Variants in UNC13B observed in about 807,000 individuals in gnomAD.
The protein encoded by UNC13B is unc-13 homolog B.
UNC13B carries 144 observed loss-of-function variants against 211.0 expected under a neutral mutation model. The ratio of observed to expected loss-of-function variants is 0.68; its 90% CI spans 0.60 to 0.78. The LOEUF (loss-of-function observed/expected upper bound fraction) is 0.78, where lower values mean the gene tolerates loss of function less well. UNC13B is among the 30% of genes least tolerant of loss of function. The probability of loss-of-function intolerance (pLI) is 0.00; values close to 1 mark genes in which losing one functional copy is unlikely to be tolerated. For synonymous variants in UNC13B, 709 were observed against 725.8 expected (o/e 0.98, Z 0.37); for missense variants, 1,777 against 2,002.0 (o/e 0.89, Z 2.14).
chr9:35,380,750 G>C, intron 18 of UNC13B, 111 bp downstream of exon 18: 1 of 1,403,182 alleles, frequency 7.1e-7, no homozygotes, highest in South Asian at 1.3e-5. Context: ...CCTCTATACA[G>C]AGCCTGTCTC....
intron 1 of UNC13B, among the ~76,000 whole-genome samples, chr9:35,218,050 A>G (rs1229218133): frequency 1.3e-5 from 2 of 151,982 alleles, no homozygotes; most frequent in African/African-American, 4.8e-5. Context: ...GTGGAAAGAG[A>G]AAAAATTATA....
intron 6 of UNC13B, among the ~76,000 whole-genome samples, chr9:35,247,195 A>G (rs1035552254): frequency 6.6e-6 from 1 of 152,128 alleles, no homozygotes; most frequent in African/African-American, 2.4e-5. Flanking sequence ...ATTTTTGCAC[A>G]TTGATTTTGT....
At chr9:35,272,263 G>GTT (rs531192224) in intron 7 of UNC13B, among the ~76,000 whole-genome samples, 38 of 97,212 alleles carry the variant, frequency 3.9e-4, no homozygotes, top group East Asian at 5.9e-4. Context: ...TTTTGTTTTT[G>GTT]TTTTTTTTTT....
chr9:35,346,942 A>G (rs182257685), intron 11 of UNC13B, among the ~76,000 whole-genome samples: 42 of 147,968 alleles, frequency 2.8e-4, no homozygotes, highest in African/African-American at 1.0e-3. Flanking sequence ...TTTTTTTTTT[A>G]AAGACAGGGT....
chr9:35,233,971 A>C (rs1351617011), intron 3 of UNC13B, among the ~76,000 whole-genome samples: 3 of 152,162 alleles, frequency 2.0e-5, no homozygotes, highest in Non-Finnish European at 4.4e-5. Flanking sequence ...TTCTCCCTAG[A>C]GAGTTCTCTG....
chr9:35,164,063 C>G (rs988056978), intron 1 of UNC13B, among the ~76,000 whole-genome samples: 1 of 152,192 alleles, frequency 6.6e-6, no homozygotes, highest in African/African-American at 2.4e-5. Context: ...GTCACCCAGG[C>G]TGGAGTGCAG....
intron 1 of UNC13B, among the ~76,000 whole-genome samples, chr9:35,200,797 A>T (rs987717327): frequency 2.8e-4 from 43 of 152,184 alleles, no homozygotes; most frequent in African/African-American, 8.9e-4. Flanking sequence ...ACAATTTGAC[A>T]TCCTCTTTTC....
At chr9:35,188,705 G>T (rs1318249168) in intron 1 of UNC13B, among the ~76,000 whole-genome samples, 1 of 152,138 alleles carries the variant, frequency 6.6e-6, no homozygotes, top group African/African-American at 2.4e-5. Flanking sequence ...TAGAATTTCA[G>T]ATCGCCATAA....
chr9:35,280,448 A>G (rs1482011431), intron 7 of UNC13B, among the ~76,000 whole-genome samples: 1 of 152,150 alleles, frequency 6.6e-6, no homozygotes, highest in Non-Finnish European at 1.5e-5. Flanking sequence ...CAGACAGGGT[A>G]TAGCTTCTGG....
intron 11 of UNC13B, among the ~76,000 whole-genome samples, chr9:35,327,914 A>C (rs1831112369): frequency 6.6e-6 from 1 of 152,248 alleles, no homozygotes. Context: ...TTAGGTAAAA[A>C]CTAAAGTTGT....
In UNC13B at chr9:35,295,396, A is replaced by G. The variant is rs528471708; in HGVS notation, c.527-300A>G. Reference sequence around the variant, plus strand: ...AAAGCAGTTTTTAATTATGGTTATGATAGTTGGAGAAGCAGAATTCCAAAG... The same window carrying G: ...AAAGCAGTTTTTAATTATGGTTATGGTAGTTGGAGAAGCAGAATTCCAAAG... On this transcript the variant is annotated intron_variant, in intron 7 of 39. Coordinates refer to ENST00000635942, the MANE Select transcript of UNC13B (RefSeq NM_001371189.2). 3.3e-5 allele frequency among the ~76,000 whole-genome samples: 5 copies of G among 152,250 alleles called. No individual in the cohort carries two copies. In the South Asian group the frequency reaches 1.0e-3, roughly 32 times the overall value.
Position 35,397,161 on chromosome 9 carries a change from C to T in UNC13B, c.11533-6C>T. The T allele has an allele frequency of 6.2e-7, 1 of 1,613,886 alleles. No homozygotes were observed. The highest frequency in any genetic ancestry group is 8.5e-7 in the Non-Finnish European group (1 of 1,179,826). On this transcript the variant is annotated splice_region_variant and splice_polypyrimidine_tract_variant and intron_variant, in intron 28 of 39. Coordinates refer to ENST00000635942, the MANE Select transcript of UNC13B (RefSeq NM_001371189.2). ...GGATGGTGACCCTGTGTGTGGTCTT[C>T]CTTAGTTCCAGCAGACATCAGAGCA...
chr9:35,213,265 A>G (rs1281311056), intron 1 of UNC13B, among the ~76,000 whole-genome samples: 2 of 152,190 alleles, frequency 1.3e-5, no homozygotes, highest in Non-Finnish European at 2.9e-5. Flanking sequence ...TAGGGCCTTC[A>G]TGATGGGGTT....
In UNC13B at chr9:35,403,830, G is replaced by A. The variant is rs748746763; in HGVS notation, c.12820G>A (p.Val4274Met). ...TTACTGCTTTGCCCGGGAAGATCGC[G>A]TGCTAGGGCTGGCTGTGATGCCTCT... Reference protein sequence around the residue: ...KDYCFAREDRVLGLAVMPLRD... With the variant: ...KDYCFAREDRMLGLAVMPLRD... The change falls in exon 40 of 40, where the codon GTG becomes ATG. Residue 4274 changes from valine to methionine, a missense_variant. Coordinates refer to ENST00000635942, the MANE Select transcript of UNC13B (RefSeq NM_001371189.2). 50 of 1,614,040 alleles carry A rather than the reference G, an allele frequency of 3.1e-5. No individual in the cohort carries two copies. The highest frequency in any genetic ancestry group is 1.6e-4 in the Middle Eastern group (1 of 6,084).
Position 35,398,655 on chromosome 9 carries a change from A to G in UNC13B, c.11921+13A>G, listed in dbSNP as rs749548089. On this transcript the variant is annotated intron_variant, in intron 32 of 39. Transcript: ENST00000635942. ...TGTTTGGAAACAGGTCAGTGACCCCACAATACAAGGCCCTCAGAGCCAGAT... is the reference window on the plus strand; with the variant it reads ...TGTTTGGAAACAGGTCAGTGACCCCGCAATACAAGGCCCTCAGAGCCAGAT... 1.5e-5 allele frequency: 24 copies of G among 1,613,510 alleles called. No homozygotes were observed. The East Asian group carries it at 5.1e-4, about 34-fold the overall frequency.
chr9:35,171,880 A>C (rs748187792), intron 1 of UNC13B, among the ~76,000 whole-genome samples: 68 of 151,214 alleles, frequency 4.5e-4, no homozygotes, highest in Non-Finnish European at 8.0e-4. Context: ...TGTGGGGAGA[A>C]ATTGGAGGCA....
intron 1 of UNC13B, among the ~76,000 whole-genome samples, chr9:35,180,000 G>T (rs1370048268): frequency 6.6e-6 from 1 of 152,032 alleles, no homozygotes; most frequent in Admixed American, 6.6e-5. Flanking sequence ...ATCAAACTTG[G>T]GTTATTTCTG....
intron 1 of UNC13B, among the ~76,000 whole-genome samples, chr9:35,184,082 C>T (rs558519654): frequency 2.0e-5 from 3 of 149,716 alleles, no homozygotes; most frequent in East Asian, 4.0e-4. Context: ...GATGGGCGGC[C>T]GAGCAGAGGC....
intron 1 of UNC13B, among the ~76,000 whole-genome samples, chr9:35,177,811 C>G (rs995974578): frequency 1.3e-5 from 2 of 152,048 alleles, no homozygotes; most frequent in Non-Finnish European, 2.9e-5. Flanking sequence ...AAGCATGATG[C>G]AAGACACAAA....
Sources: gnomAD v4.1 joint callset for allele counts (sites outside exome capture counted in the v4.1 genomes callset) on GRCh38, gnomAD v4.1.1 for gene constraint, MANE v1.5 for transcripts, NCBI Gene and HGNC (gene_info 2026-07-23, HGNC 2026-07-21) for gene names.